RBM23: variants seen among roughly 807,000 people sequenced by gnomAD.
The protein encoded by RBM23 is RNA binding motif protein 23, also known as probable RNA-binding protein 23.
A neutral mutation model predicts 56.2 loss-of-function variants in RBM23; 53 were observed. The observed-to-expected ratio is 0.94, with a 90% CI of 0.76 to 1.19. RBM23 has a LOEUF of 1.19. Among genes scored for constraint, RBM23 ranks in the 50% most tolerant of loss-of-function variants. The pLI, the probability that RBM23 is intolerant of heterozygous loss-of-function variation, is 0.00. For synonymous variants in RBM23, 197 were observed against 198.5 expected (o/e 0.99, Z 0.06); for missense variants, 642 against 590.3 (o/e 1.09, Z -0.91).
chr14:22,903,797 TC>T, intron 10 of RBM23: 1 of 1,013,514 alleles, frequency 9.9e-7, no homozygotes, highest in South Asian at 3.8e-5. Flanking sequence ...CTCACTATTC[TC>T]CCCATAGTGC....
At chr14:22,915,343 G>A (rs1004262934) in intron 1 of RBM23, among the ~76,000 whole-genome samples, 1 of 151,840 alleles carries the variant, frequency 6.6e-6, no homozygotes, top group Admixed American at 6.6e-5. Context: ...TGGGATTACA[G>A]GCATGCGCCA....
At position 22,904,914 on chromosome 14, in the gene RBM23, A is replaced by C. The variant is rs367760914; in HGVS notation, c.825T>G (p.Thr275=). The C allele has an allele frequency of 2.5e-6, 4 of 1,614,148 alleles. 1 individual carries two copies. The Middle Eastern group carries it at 4.9e-4, about 200-fold the overall frequency. ...LYVGSLHFNI[T]EDMLRGIFEP... Reference sequence around the variant, plus strand: ...CAAAGATGCCCCGGAGCATGTCTTCAGTGATATTGAAGTGCAGGGAACCCA... The same window carrying C: ...CAAAGATGCCCCGGAGCATGTCTTCCGTGATATTGAAGTGCAGGGAACCCA... The change falls in exon 9 of 14, where the codon ACT becomes ACG. Residue 275 remains threonine (T), a synonymous_variant. Transcript: ENST00000359890.
intron 1 of RBM23, among the ~76,000 whole-genome samples, chr14:22,914,955 C>A (rs1022627977): frequency 2.1e-5 from 3 of 145,804 alleles, no homozygotes; most frequent in African/African-American, 7.8e-5. Context: ...TGCACTCCAG[C>A]CTGGGTGTAA....
At chr14:22,910,843 T>C (rs1170617887) in intron 2 of RBM23, among the ~76,000 whole-genome samples, 1 of 152,188 alleles carries the variant, frequency 6.6e-6, no homozygotes, top group Non-Finnish European at 1.5e-5. Flanking sequence ...AAACCCCGTC[T>C]CTACTAAAAA....
At position 22,902,049 on chromosome 14, in the gene RBM23, C is replaced by T. The variant is rs562925583; in HGVS notation, c.1177G>A (p.Ala393Thr). 1.2e-5 allele frequency: 19 copies of T among 1,603,910 alleles called. No individual in the cohort carries two copies. Among genetic ancestry groups the T allele is most frequent in the South Asian group, 5.5e-5 (5 of 90,632 alleles). The change falls in exon 12 of 14, where the codon GCC (alanine) becomes ACC (threonine). Residue 393 changes from alanine to threonine, a missense_variant. Transcript: ENST00000359890. Reference protein sequence around the residue: ...STAAAAAAAAAQAAALQLNGA... With the variant: ...STAAAAAAAATQAAALQLNGA... ...TTCAGTTGCAAGGCAGCAGCCTGGG[C>T]GGCGGCGGCAGCAGCAGCAGCAGCA...
At chr14:22,913,292 T>C (rs188075874) in intron 1 of RBM23, among the ~76,000 whole-genome samples, 300 of 150,746 alleles carry the variant, frequency 2.0e-3, no homozygotes, top group Non-Finnish European at 3.5e-3. Context: ...CGGGTGCTTG[T>C]AGTCCCAGCT....
chr14:22,915,945 G>T (rs1470480531), intron 1 of RBM23, among the ~76,000 whole-genome samples: 2 of 152,204 alleles, frequency 1.3e-5, no homozygotes, highest in African/African-American at 4.8e-5. Context: ...CCAGGCAGAG[G>T]GGGTGGCTCA....
intron 1 of RBM23, chr14:22,917,332 A>G (rs2043701084): frequency 6.6e-6 from 1 of 152,232 alleles, no homozygotes; most frequent in Non-Finnish European, 1.5e-5. Context: ...CGGGGTAAGA[A>G]CAACTTAACA....
chr14:22,918,039 A>G (rs1037876817), intron 1 of RBM23, among the ~76,000 whole-genome samples: 5 of 152,136 alleles, frequency 3.3e-5, no homozygotes, highest in Non-Finnish European at 7.4e-5. Context: ...ACAAAAGAGG[A>G]ACAATGAGAA....
chr14:22,911,414 G>T lies in RBM23; in HGVS notation c.-10-11C>A. On this transcript the variant is annotated splice_polypyrimidine_tract_variant and intron_variant, in intron 1 of 13. Coordinates refer to ENST00000359890, the MANE Select transcript of RBM23 (RefSeq NM_001077351.2). ...GCCATCCTGTCAGATCTGGGGAGAG[G>T]ATATTAATATGTAAGAATCTGTTTT... 6.2e-7 allele frequency: 1 copy of T among 1,602,938 alleles called. No homozygotes were observed. The highest frequency in any genetic ancestry group is 8.5e-7 in the Non-Finnish European group (1 of 1,171,208).
At position 22,905,635 on chromosome 14, in the gene RBM23, A is replaced by C; in HGVS notation, c.426T>G (p.Ser142Arg). 1 of 1,609,934 alleles carries C rather than the reference A, an allele frequency of 6.2e-7. No homozygotes were observed. Among genetic ancestry groups the C allele is most frequent in the South Asian group, 1.1e-5 (1 of 90,984 alleles). The change falls in exon 6 of 14, where the codon AGT becomes AGG. Residue 142 changes from serine to arginine, a missense_variant. Ser to Arg is a moderately radical substitution (Grantham distance 110, BLOSUM62 -1). Transcript: ENST00000359890. ...ATGYRYGHSK[S>R]PHFREKSPVR... Reference sequence around the variant, plus strand: ...CTGGGCTCTTCTCTCTGAAATGAGGACTCTTACTGTGTCCATACCTATAAC... The same window carrying C: ...CTGGGCTCTTCTCTCTGAAATGAGGCCTCTTACTGTGTCCATACCTATAAC...
intron 1 of RBM23, chr14:22,913,920 A>G (rs966207314): frequency 1.3e-5 from 2 of 151,582 alleles, no homozygotes; most frequent in African/African-American, 4.8e-5. Flanking sequence ...GCTACCTGGG[A>G]GGCTGAGACA....
At position 22,919,112 on chromosome 14, in the gene RBM23, TAC is replaced by T. The variant is rs2044137297; in HGVS notation, c.-126_-125del. ...TAGGCAAGAAAAGCAGCACTGCAGG[TAC>T]AGAGCCTCCTCTTCCCGCAAAATGG... On this transcript the variant is annotated 5_prime_UTR_variant, in exon 1 of 14. Transcript: ENST00000359890. The T allele has an allele frequency of 1.3e-5, 2 of 152,188 alleles. No individual in the cohort carries two copies. The highest frequency in any genetic ancestry group is 1.5e-5 in the Non-Finnish European group (1 of 68,088). 9.4% of individuals were successfully genotyped at this position (152,188 alleles called of 1,614,324 possible). A position where few individuals can be genotyped will look rare whatever the true frequency, so the allele number is the denominator to read the frequency against.
chr14:22,905,734 A>C, intron 5 of RBM23, 75 bp from the exon 6 acceptor site: 27 of 1,157,858 alleles, frequency 2.3e-5, no homozygotes, highest in Non-Finnish European at 3.2e-5. Flanking sequence ...TGGTGAGAAA[A>C]CCAGATTCCA....
chr14:22,902,457 G>T, intron 10 of RBM23, 75 bp from the exon 11 acceptor site: 5 of 1,518,434 alleles, frequency 3.3e-6, no homozygotes, highest in Middle Eastern at 1.7e-4. Flanking sequence ...ACACTCCCTA[G>T]TCCTACTATC....
intron 5 of RBM23, 53 bp from the exon 6 acceptor site, chr14:22,905,712 CTGGG>C: frequency 7.3e-7 from 1 of 1,376,014 alleles, no homozygotes; most frequent in Admixed American, 1.8e-5. Context: ...TGGTCCAATG[CTGGG>C]TCTTCCATGG....
chr14:22,901,717 C>T lies in RBM23; in HGVS notation c.*13G>A. ...TCCAGAGGCACAAGGAGGCAGTATACTGTGCCACTGATTTACCTGTGGAAA... is the reference window on the plus strand; with the variant it reads ...TCCAGAGGCACAAGGAGGCAGTATATTGTGCCACTGATTTACCTGTGGAAA... On this transcript the variant is annotated 3_prime_UTR_variant, in exon 14 of 14. Coordinates refer to ENST00000359890, the MANE Select transcript of RBM23 (RefSeq NM_001077351.2). 2 of 1,612,256 alleles carry T rather than the reference C, an allele frequency of 1.2e-6. No individual in the cohort carries two copies. Among genetic ancestry groups the T allele is most frequent in the Non-Finnish European group, 8.5e-7 (1 of 1,178,254 alleles).
Position 22,904,979 on chromosome 14 carries a change from T to C in RBM23, c.760A>G (p.Asn254Asp), listed in dbSNP as rs2041275683. 6.2e-7 allele frequency: 1 copy of C among 1,614,190 alleles called. No individual in the cohort carries two copies. Among genetic ancestry groups the C allele is most frequent in the Non-Finnish European group, 8.5e-7 (1 of 1,180,024 alleles). The change falls in exon 9 of 14, where the codon AAC becomes GAC. Residue 254 changes from asparagine to aspartate, a missense_variant. By Grantham distance (23) the Asn-to-Asp change is conservative. Coordinates refer to ENST00000359890, the MANE Select transcript of RBM23 (RefSeq NM_001077351.2). ...EKNRLAAMAN[N>D]LQKGNGGPMR... is the part of the protein sequence containing the mutation. The stretch of plus-strand genomic sequence containing the variant: ...GGTCCACCATTGCCCTTTTGCAGGT[T>C]GTTGGCCATGGCTGCCAGTCGGTTT...
intron 1 of RBM23, among the ~76,000 whole-genome samples, chr14:22,916,419 G>A (rs935293065): frequency 3.4e-5 from 5 of 147,084 alleles, no homozygotes; most frequent in African/African-American, 1.2e-4. Context: ...ATGATGCCAG[G>A]CTAACTTTTC....
Sources: allele counts gnomAD v4.1 joint callset (sites outside exome capture counted in the v4.1 genomes callset), GRCh38; gene constraint gnomAD v4.1.1; transcripts MANE v1.5; gene names NCBI Gene and HGNC (gene_info 2026-07-23, HGNC 2026-07-21).